Variants in KATNIP observed in about 807,000 individuals in gnomAD.
The protein encoded by KATNIP is katanin interacting protein, also known as katanin-interacting protein.
In KATNIP, 126 loss-of-function variants were observed where a neutral mutation model predicts 174.0. The observed-to-expected ratio is 0.72, with a 90% CI of 0.63 to 0.84. KATNIP has a LOEUF of 0.84. Ranked by LOEUF, KATNIP falls within the 40% of genes least tolerant of loss-of-function variation. The pLI, the probability that KATNIP is intolerant of heterozygous loss-of-function variation, is 0.00. For missense variants in KATNIP, 1,958 were observed against 2,109.7 expected, an observed-to-expected ratio of 0.93 and a Z score of 1.41; for synonymous variants, 810 against 835.7, an observed-to-expected ratio of 0.97 and a Z score of 0.53.
chr16:27,751,618 G>A (rs2081519781), intron 16 of KATNIP, 101 bp from the exon 17 acceptor site: 2 of 1,055,648 alleles, frequency 1.9e-6, no homozygotes, highest in East Asian at 4.8e-5. Context: ...TTAAGGGTGT[G>A]GGGTTGTACA....
At chr16:27,674,425 A>G (rs139046917) in intron 6 of KATNIP, among the ~76,000 whole-genome samples, 1 of 152,262 alleles carries the variant, frequency 6.6e-6, no homozygotes, top group Admixed American at 6.5e-5. Context: ...GAGGCTCGAG[A>G]GGAAAGCTCA....
rs1338646938 is a variant in KATNIP, at chr16:27,777,903, G to A, written c.4735G>A (p.Val1579Ile). The A allele has an allele frequency of 1.2e-6, 2 of 1,614,234 alleles. No individual in the cohort carries two copies. Among genetic ancestry groups the A allele is most frequent in the Non-Finnish European group, 1.7e-6 (2 of 1,180,026 alleles). ...CAGTAATCAGGCCGAGGATCAAGAT[G>A]TCCAGATGATGAATGAAAACCAAAT... ...TISNQAEDQD[V>I]QMMNENQIIT... Residue 1579 changes from valine (V) to isoleucine (I), a missense_variant, in exon 27 of 28, where the codon GTC (valine) becomes ATC (isoleucine). Around this residue, in one of 3 missense-constraint regions of KATNIP, gnomAD observed 383 missense variants for 456.0 expected, o/e 0.84. Transcript: ENST00000261588. The surrounding 1 kb of genome is among the most constrained non-coding windows in gnomAD (Gnocchi z 4.4).
intron 1 of KATNIP, among the ~76,000 whole-genome samples, chr16:27,557,221 A>G (rs1050928896): frequency 6.7e-6 from 1 of 148,936 alleles, no homozygotes; most frequent in Non-Finnish European, 1.5e-5. Context: ...GGCTTACTGC[A>G]TCCTCCGCCT....
intron 14 of KATNIP, chr16:27,727,249 C>T (rs1430226353): frequency 2.7e-5 from 6 of 226,060 alleles, no homozygotes; most frequent in Non-Finnish European, 4.9e-5. Context: ...AGTGCAGTGG[C>T]GTGATCATGG....
At chr16:27,561,298 C>T (rs1278130288) in intron 1 of KATNIP, among the ~76,000 whole-genome samples, 1 of 151,928 alleles carries the variant, frequency 6.6e-6, no homozygotes, top group Non-Finnish European at 1.5e-5. Context: ...GTTGGGATTA[C>T]AGGCGTGGGC....
intron 8 of KATNIP, among the ~76,000 whole-genome samples, chr16:27,697,720 GGTGTGTGT>G (rs374669532): frequency 6.6e-6 from 1 of 150,930 alleles, no homozygotes; most frequent in Non-Finnish European, 1.5e-5. Context: ...ATCGATAGAG[GGTGTGTGT>G]GTGTGTGTAA....
At chr16:27,639,823 C>T (rs927219371) in intron 5 of KATNIP, among the ~76,000 whole-genome samples, 10 of 152,224 alleles carry the variant, frequency 6.6e-5, no homozygotes, top group African/African-American at 2.4e-4. Context: ...CCTTGCACAA[C>T]ACAGACTGTC....
At chr16:27,608,858 C>T (rs758567342) in intron 2 of KATNIP, among the ~76,000 whole-genome samples, 6 of 152,160 alleles carry the variant, frequency 3.9e-5, no homozygotes, top group Non-Finnish European at 7.4e-5. Flanking sequence ...CCTCAGCACC[C>T]GGCAATCTAG....
At chr16:27,575,142 A>T (rs900609536) in intron 2 of KATNIP, among the ~76,000 whole-genome samples, 3 of 152,216 alleles carry the variant, frequency 2.0e-5, no homozygotes, top group Admixed American at 6.5e-5. Context: ...ACAGAAGGAC[A>T]GAGAAAGTGA....
intron 2 of KATNIP, among the ~76,000 whole-genome samples, chr16:27,585,431 A>G (rs1016469014): frequency 1.3e-5 from 2 of 152,242 alleles, no homozygotes; most frequent in African/African-American, 2.4e-5. Flanking sequence ...ATGTATACAC[A>G]GAAGAAAGGA....
intron 1 of KATNIP, among the ~76,000 whole-genome samples, chr16:27,560,451 C>T (rs1250311796): frequency 6.6e-6 from 1 of 152,132 alleles, no homozygotes; most frequent in Non-Finnish European, 1.5e-5. Context: ...CTGATGACCC[C>T]TTCTGGCTGG....
intron 5 of KATNIP, among the ~76,000 whole-genome samples, chr16:27,648,078 T>C: frequency 6.6e-6 from 1 of 152,102 alleles, no homozygotes; most frequent in East Asian, 1.9e-4. Flanking sequence ...GTGAATCACT[T>C]GAGGCCAGGA....
chr16:27,595,592 G>A (rs538495004), intron 2 of KATNIP, among the ~76,000 whole-genome samples: 1 of 152,336 alleles, frequency 6.6e-6, no homozygotes, highest in East Asian at 1.9e-4. Flanking sequence ...TTTGGCAAAT[G>A]TTTATCAAGC....
chr16:27,768,945 G>A (rs1205653003), intron 20 of KATNIP, among the ~76,000 whole-genome samples: 1 of 152,224 alleles, frequency 6.6e-6, no homozygotes, highest in African/African-American at 2.4e-5. Context: ...AAGGTGTCGA[G>A]GAGAACCAGG....
At chr16:27,655,177 G>GATATATATATATATATAT (rs869205308) in intron 6 of KATNIP, among the ~76,000 whole-genome samples, 1 of 38,526 alleles carries the variant, frequency 2.6e-5, no homozygotes, top group Non-Finnish European at 5.9e-5. Flanking sequence ...CCCTAGAATG[G>GATATATATATATATATAT]ATATATATAT....
In KATNIP at chr16:27,588,916, C is replaced by CAGTT. The variant is rs1250323487; in HGVS notation, c.63+14961_63+14964dup. ...TTTTTTTTTGAACCGGAGTCTCACT[C>CAGTT]AGTTGCCCAGGCTGGAGTGCAGTGC... On this transcript the variant is annotated intron_variant, in intron 2 of 27. Transcript: ENST00000261588. Among the ~76,000 whole-genome samples the CAGTT allele has an allele frequency of 3.9e-5, 5 of 127,308 alleles. No individual in the cohort carries two copies. The East Asian group carries it at 1.2e-3, about 32-fold the overall frequency. 83.5% of individuals were successfully genotyped at this position (127,308 alleles called of 152,430 possible).
At chr16:27,771,524 G>T in intron 21 of KATNIP, 64 bp from the exon 22 acceptor site, 1 of 1,513,000 alleles carries the variant, frequency 6.6e-7, no homozygotes, top group South Asian at 1.2e-5. Flanking sequence ...TACCTAGGGG[G>T]TAACTGGCTG....
At chr16:27,684,635 T>C in intron 8 of KATNIP, among the ~76,000 whole-genome samples, 1 of 152,200 alleles carries the variant, frequency 6.6e-6, no homozygotes, top group Non-Finnish European at 1.5e-5. Context: ...CATCTCACAG[T>C]TCTCAAGGCT....
At chr16:27,713,848 A>ATGTGTGTGTGTGTGTGTGTGTGTG (rs2079794809) in intron 13 of KATNIP, among the ~76,000 whole-genome samples, 1 of 74,482 alleles carries the variant, frequency 1.3e-5, no homozygotes, top group African/African-American at 5.9e-5. Flanking sequence ...ATATATATAT[A>ATGTGTGTGTGTGTGTGTGTGTGTG]TATATATATC....
Sources: allele counts gnomAD v4.1 joint callset (sites outside exome capture counted in the v4.1 genomes callset), GRCh38; gene constraint gnomAD v4.1.1; regional missense constraint gnomAD v4.1.1; non-coding constraint Gnocchi (gnomAD v3.1); transcripts MANE v1.5; gene names NCBI Gene and HGNC (gene_info 2026-07-23, HGNC 2026-07-21).